The following FANCF variants were observed in gnomAD, a reference collection of about 807,000 sequenced individuals.
The protein encoded by FANCF is Fanconi anemia group F protein.
For synonymous variants in FANCF, 257 were observed against 205.9 expected, an observed-to-expected ratio of 1.25 and a Z score of -2.13; for missense variants, 552 against 481.8, an observed-to-expected ratio of 1.15 and a Z score of -1.36.
At position 22,625,233 on chromosome 11, in the gene FANCF, C is replaced by CT; in HGVS notation, c.577_578insA (p.Trp193Ter). Residue 193 changes from tryptophan (W) to a stop codon, truncating the protein, a stop_gained and frameshift_variant, in exon 1 of 1, where the codon TGG (tryptophan) becomes TAGG (stop). Transcript: ENST00000327470. LOFTEE classifies it low-confidence loss of function (END_TRUNC). ...ERPARFLSSL[W>*]ERLPQNNFLK... ...GAAGTTGTTCTGAGGCAAGCGCTCC[C>CT]ACAGGCTGCTGAGAAACCTGGCGGG... 3.1e-6 allele frequency: 5 copies of CT among 1,614,146 alleles called. No individual in the cohort carries two copies. Among genetic ancestry groups the CT allele is most frequent in the Non-Finnish European group, 4.2e-6 (5 of 1,180,042 alleles).
At position 22,624,063 on chromosome 11, in the gene FANCF, T is replaced by C. The variant is rs1858601108; in HGVS notation, c.*623A>G. The C allele has an allele frequency of 4.3e-6, 1 of 233,072 alleles. No individual in the cohort carries two copies. 14.4% of individuals were successfully genotyped at this position (233,072 alleles called of 1,614,324 possible). A position where few individuals can be genotyped will look rare whatever the true frequency, so the allele number is the denominator to read the frequency against. On this transcript the variant is annotated 3_prime_UTR_variant, in exon 1 of 1. Transcript: ENST00000327470. ...TCCAAAGGCATATATTCGTATTTAC[T>C]GTGCTTTAAACATTTGTCTGTGCGT...
Position 22,625,250 on chromosome 11 carries a change from C to A in FANCF, c.561G>T (p.Arg187Ser), listed in dbSNP as rs1217624522. Residue 187 changes from arginine to serine, a missense_variant, in exon 1 of 1, where the codon AGG (arginine) becomes AGT (serine). Coordinates refer to ENST00000327470, the MANE Select transcript of FANCF (RefSeq NM_022725.4). ...AGCGCTCCCACAGGCTGCTGAGAAA[C>A]CTGGCGGGACGCTCCGCTTCGGCCT... is the stretch of plus-strand genomic sequence containing the variant. Reference protein sequence around the residue: ...VGKAEAERPARFLSSLWERLP... With the variant: ...VGKAEAERPASFLSSLWERLP... The A allele has an allele frequency of 6.2e-7, 1 of 1,614,036 alleles. No individual in the cohort carries two copies. Among genetic ancestry groups the A allele is most frequent in the South Asian group, 1.1e-5 (1 of 91,094 alleles).
Position 22,625,375 on chromosome 11 carries a change from G to C in FANCF, c.436C>G (p.Leu146Val), listed in dbSNP as rs779428484. 6.8e-6 allele frequency: 11 copies of C among 1,614,216 alleles called. 1 individual carries two copies. The South Asian group carries it at 1.2e-4, about 18-fold the overall frequency. ...LARRRSAVHM[L>V]RFNGYRENPN... ...TTCTCTCTATAGCCATTGAAGCGCAGCATGTGCACCGCAGACCGCCGGCGG... is the reference window on the plus strand; with the variant it reads ...TTCTCTCTATAGCCATTGAAGCGCACCATGTGCACCGCAGACCGCCGGCGG... The change falls in exon 1 of 1, where the codon CTG becomes GTG. Residue 146 changes from leucine (L) to valine (V), a missense_variant. Physicochemically the swap from Leu to Val is conservative, Grantham distance 32. Transcript: ENST00000327470.
Position 22,625,281 on chromosome 11 carries a change from AC to A in FANCF, c.529del (p.Val177TrpfsTer26). 6.2e-7 allele frequency: 1 copy of A among 1,613,948 alleles called. No individual in the cohort carries two copies. Among genetic ancestry groups the A allele is most frequent in the Non-Finnish European group, 8.5e-7 (1 of 1,179,986 alleles). On this transcript the variant is annotated frameshift_variant, in exon 1 of 1. Transcript: ENST00000327470. LOFTEE classifies it low-confidence loss of function (END_TRUNC). Reference sequence around the variant, plus strand: ...GGGACGCTCCGCTTCGGCCTTCCCCACCTCCTGCAGACGCTCCAGCAGCAGC... The same window carrying A: ...GGGACGCTCCGCTTCGGCCTTCCCCACTCCTGCAGACGCTCCAGCAGCAGC... ...AELLLERLQE[V>X]GKAEAERPAR...
chr11:22,623,674 T>C lies in FANCF; in HGVS notation c.*1012A>G. The C allele has an allele frequency of 5.4e-6, 1 of 186,788 alleles. No individual in the cohort carries two copies. Among genetic ancestry groups the C allele is most frequent in the Non-Finnish European group, 1.1e-5 (1 of 88,342 alleles). 11.6% of individuals were successfully genotyped at this position (186,788 alleles called of 1,614,324 possible). ...TATTAACCTAGTTAACGGCAGAAGC[T>C]GCACTAAAACCTGGATCTTCTACTT... On this transcript the variant is annotated 3_prime_UTR_variant, in exon 1 of 1. Transcript: ENST00000327470.
At position 22,625,590 on chromosome 11, in the gene FANCF, C is replaced by G; in HGVS notation, c.221G>C (p.Arg74Pro). 6.2e-7 allele frequency: 1 copy of G among 1,613,852 alleles called. No individual in the cohort carries two copies. Among genetic ancestry groups the G allele is most frequent in the Non-Finnish European group, 8.5e-7 (1 of 1,180,002 alleles). The change falls in exon 1 of 1, where the codon CGG becomes CCG. Residue 74 changes from arginine to proline, a missense_variant. By Grantham distance (103) the Arg-to-Pro change is moderately radical (BLOSUM62 -2). Coordinates refer to ENST00000327470, the MANE Select transcript of FANCF (RefSeq NM_022725.4). ...NQWRQEGGFG[R>P]GPVPGLANFQ... ...GTTCGCTAATCCCGGAACTGGACCCCGCCCAAAGCCGCCCTCTTGCCTCCA... is the reference window on the plus strand; with the variant it reads ...GTTCGCTAATCCCGGAACTGGACCCGGCCCAAAGCCGCCCTCTTGCCTCCA...
rs1858623267 is a variant in FANCF at position 22,625,143 on chromosome 11, T to G, written c.668A>C (p.Glu223Ala). The G allele has an allele frequency of 6.2e-7, 1 of 1,608,198 alleles. No individual in the cohort carries two copies. The highest frequency in any genetic ancestry group is 8.5e-7 in the Non-Finnish European group (1 of 1,176,518). ...PLSRRPQEEL[E>A]PGIHKSPGEG... ...TCCAGGTGATTTGTGGATGCCGGGT[T>G]CCAACTCTTCTTGGGGCCGACGAGA... is the stretch of plus-strand genomic sequence containing the variant. The change falls in exon 1 of 1, where the codon GAA becomes GCA. Residue 223 changes from glutamate (E) to alanine (A), a missense_variant. Glu to Ala is a moderately radical substitution (Grantham distance 107). Coordinates refer to ENST00000327470, the MANE Select transcript of FANCF (RefSeq NM_022725.4).
At position 22,624,112 on chromosome 11, in the gene FANCF, T is replaced by C. The variant is rs1252905097; in HGVS notation, c.*574A>G. On this transcript the variant is annotated 3_prime_UTR_variant, in exon 1 of 1. Coordinates refer to ENST00000327470, the MANE Select transcript of FANCF (RefSeq NM_022725.4). ...GTCAATGCTTTAAAGGGACATACTATGTGGTGATTCATTTTCAAAGTAAGA... is the reference window on the plus strand; with the variant it reads ...GTCAATGCTTTAAAGGGACATACTACGTGGTGATTCATTTTCAAAGTAAGA... The C allele has an allele frequency of 2.5e-5, 6 of 240,128 alleles. No homozygotes were observed. The highest frequency in any genetic ancestry group is 4.1e-5 in the Non-Finnish European group (5 of 121,612). The allele number at this position is 240,128 out of a possible 1,614,324, so 14.9% of individuals were successfully genotyped here. A position where few individuals can be genotyped will look rare whatever the true frequency, so the allele number is the denominator to read the frequency against.
Position 22,623,226 on chromosome 11 carries a change from C to T in FANCF, c.*1460G>A, listed in dbSNP as rs186333671. 1.4e-5 allele frequency: 3 copies of T among 212,848 alleles called. No individual in the cohort carries two copies. Among genetic ancestry groups the T allele is most frequent in the Admixed American group, 5.9e-5 (1 of 17,072 alleles). The allele number at this position is 212,848 out of a possible 1,614,324, so 13.2% of individuals were successfully genotyped here. On this transcript the variant is annotated 3_prime_UTR_variant, in exon 1 of 1. Transcript: ENST00000327470. ...ACTGACTACTGGAATAATAGTTTAC[C>T]CCTGGGTTGTACCACAGAATGAGAA...
Position 22,625,274 on chromosome 11 carries a change from C to T in FANCF, c.537G>A (p.Lys179=), listed in dbSNP as rs772589448. ...LLLERLQEVG[K]AEAERPARFL... is the part of the protein sequence containing the mutation. Reference sequence around the variant, plus strand: ...ACCTGGCGGGACGCTCCGCTTCGGCCTTCCCCACCTCCTGCAGACGCTCCA... The same window carrying T: ...ACCTGGCGGGACGCTCCGCTTCGGCTTTCCCCACCTCCTGCAGACGCTCCA... The change falls in exon 1 of 1, where the codon AAG becomes AAA. Residue 179 remains lysine, a synonymous_variant. Transcript: ENST00000327470. 15 of 1,614,228 alleles carry T rather than the reference C, an allele frequency of 9.3e-6. No homozygotes were observed. The highest frequency in any genetic ancestry group is 1.2e-5 in the Non-Finnish European group (14 of 1,180,054).
rs973704219 is a variant in FANCF at position 22,624,086 on chromosome 11, C to T, written c.*600G>A. On this transcript the variant is annotated 3_prime_UTR_variant, in exon 1 of 1. Transcript: ENST00000327470. ...ACTGTGCTTTAAACATTTGTCTGTG[C>T]GTCAATGCTTTAAAGGGACATACTA... is the stretch of plus-strand genomic sequence containing the variant. The T allele has an allele frequency of 4.7e-5, 11 of 233,722 alleles. No individual in the cohort carries two copies. Among genetic ancestry groups the T allele is most frequent in the Non-Finnish European group, 7.6e-5 (9 of 118,466 alleles). The allele number at this position is 233,722 out of a possible 1,614,324, so 14.5% of individuals were successfully genotyped here. A position where few individuals can be genotyped will look rare whatever the true frequency, so the allele number is the denominator to read the frequency against.
rs760472320 is a variant in FANCF at position 22,625,455 on chromosome 11, G to A, written c.356C>T (p.Pro119Leu). ...CTCCTCATCGGCGTCCCGGACGCCC[G>A]GGCCGGGAAAGAGTTGCTGCACCAG... ...YHLVQQLFPG[P>L]GVRDADEETL... is the part of the protein sequence containing the mutation. The change falls in exon 1 of 1, where the codon CCG becomes CTG. Residue 119 changes from proline (P) to leucine (L), a missense_variant. Transcript: ENST00000327470. The A allele has an allele frequency of 1.9e-6, 3 of 1,614,164 alleles. No individual in the cohort carries two copies. The highest frequency in any genetic ancestry group is 2.2e-5 in the East Asian group (1 of 44,882).
In FANCF at chr11:22,625,097, G is replaced by A. The variant is rs774956968; in HGVS notation, c.714C>T (p.Val238=). 123 of 1,612,696 alleles carry A rather than the reference G, an allele frequency of 7.6e-5. No homozygotes were observed. Among genetic ancestry groups the A allele is most frequent in the Non-Finnish European group, 1.0e-4 (123 of 1,179,092 alleles). ...CTTCCGAATTCCCCAGAAGCCAGTG[G>A]ACTAGCACTTGGCTCCCCTCTCCAG... ...KSPGEGSQVL[V]HWLLGNSEVF... The change falls in exon 1 of 1, where the codon GTC becomes GTT. Residue 238 remains valine, a synonymous_variant. Transcript: ENST00000327470.
rs201357673 is a variant in FANCF, at chr11:22,625,441, C to G, written c.370G>C (p.Ala124Pro). 2 of 1,614,102 alleles carry G rather than the reference C, an allele frequency of 1.2e-6. No individual in the cohort carries two copies. Reference sequence around the variant, plus strand: ...CTCTCTTGGAGTGTCTCCTCATCGGCGTCCCGGACGCCCGGGCCGGGAAAG... The same window carrying G: ...CTCTCTTGGAGTGTCTCCTCATCGGGGTCCCGGACGCCCGGGCCGGGAAAG... ...QLFPGPGVRD[A>P]DEETLQESLA... The change falls in exon 1 of 1, where the codon GCC becomes CCC. Residue 124 changes from alanine to proline, a missense_variant. Ala to Pro is a conservative substitution (Grantham distance 27). Transcript: ENST00000327470.
At position 22,625,611 on chromosome 11, in the gene FANCF, C is replaced by T. The variant is rs751094288; in HGVS notation, c.200G>A (p.Arg67Lys). Residue 67 changes from arginine (R) to lysine (K), a missense_variant, in exon 1 of 1, where the codon AGG becomes AAG. Arg to Lys is a conservative substitution (Grantham distance 26, BLOSUM62 2). Transcript: ENST00000327470. ...ALERRLHNQW[R>K]QEGGFGRGPV... is the part of the protein sequence containing the mutation. ...ACCCCGCCCAAAGCCGCCCTCTTGCCTCCACTGGTTGTGCAGCCGCCGCTC... is the reference window on the plus strand; with the variant it reads ...ACCCCGCCCAAAGCCGCCCTCTTGCTTCCACTGGTTGTGCAGCCGCCGCTC... The T allele has an allele frequency of 6.2e-7, 1 of 1,613,766 alleles. No individual in the cohort carries two copies.
chr11:22,625,053 C>G lies in FANCF; in HGVS notation c.758G>C (p.Arg253Pro). Residue 253 changes from arginine to proline, a missense_variant, in exon 1 of 1, where the codon CGC (arginine) becomes CCC (proline). Coordinates refer to ENST00000327470, the MANE Select transcript of FANCF (RefSeq NM_022725.4). ...GNSEVFAAFCRALPAGLLTLV... is the reference protein window; with the variant it reads ...GNSEVFAAFCPALPAGLLTLV... ...AGTCAAAAGCCCGGCTGGGAGGGCG[C>G]GACAAAAGGCAGCAAAGACTTCCGA... 1.9e-6 allele frequency: 3 copies of G among 1,614,116 alleles called. No homozygotes were observed. Among genetic ancestry groups the G allele is most frequent in the African/African-American group, 2.7e-5 (2 of 75,046 alleles).
rs2133797373 is a variant in FANCF, at chr11:22,625,222, G to A, written c.589C>T (p.Pro197Ser). 4.3e-6 allele frequency: 7 copies of A among 1,614,052 alleles called. No individual in the cohort carries two copies. Among genetic ancestry groups the A allele is most frequent in the Non-Finnish European group, 5.9e-6 (7 of 1,180,012 alleles). ...RFLSSLWERL[P>S]QNNFLKVIAV... ...ATCACCTTCAGGAAGTTGTTCTGAG[G>A]CAAGCGCTCCCACAGGCTGCTGAGA... Residue 197 changes from proline to serine, a missense_variant, in exon 1 of 1, where the codon CCT becomes TCT. Physicochemically the swap from Pro to Ser is moderately conservative, Grantham distance 74. Coordinates refer to ENST00000327470, the MANE Select transcript of FANCF (RefSeq NM_022725.4).
chr11:22,624,693 G>A lies in FANCF; in HGVS notation c.1118C>T (p.Ser373Phe). 1 of 1,613,910 alleles carries A rather than the reference G, an allele frequency of 6.2e-7. No individual in the cohort carries two copies. The highest frequency in any genetic ancestry group is 2.2e-5 in the East Asian group (1 of 44,890). The change falls in exon 1 of 1, where the codon TCT becomes TTT. Residue 373 changes from serine (S) to phenylalanine (F), a missense_variant. Ser to Phe is a radical substitution (Grantham distance 155). Transcript: ENST00000327470. ...GTAATAACACAGCATTGCCTATACA[G>A]AACTGAGGCCTGCGCTGAGACCCAA... is the stretch of plus-strand genomic sequence containing the variant. ...QVLGLSAGLSSV is the reference protein window; with the variant it reads ...QVLGLSAGLSFV
chr11:22,623,106 A>G lies in FANCF; in HGVS notation c.*1580T>C. 4.8e-6 allele frequency: 1 copy of G among 209,504 alleles called. No homozygotes were observed. Among genetic ancestry groups the G allele is most frequent in the Non-Finnish European group, 9.7e-6 (1 of 102,934 alleles). The allele number at this position is 209,504 out of a possible 1,614,324, so 13.0% of individuals were successfully genotyped here. A position where few individuals can be genotyped will look rare whatever the true frequency, so the allele number is the denominator to read the frequency against. On this transcript the variant is annotated 3_prime_UTR_variant, in exon 1 of 1. Coordinates refer to ENST00000327470, the MANE Select transcript of FANCF (RefSeq NM_022725.4). ...TATTCTTGCATTAATGATAAATGTA[A>G]TCTACAAGATGGCCTTCATGGATTA... is the stretch of plus-strand genomic sequence containing the variant.
Sources: allele counts gnomAD v4.1 joint callset, GRCh38; gene constraint gnomAD v4.1.1; transcripts MANE v1.5; gene names NCBI Gene and HGNC (gene_info 2026-07-23, HGNC 2026-07-21).